Variants in PCDHA2 observed in about 807,000 individuals in gnomAD.
The protein encoded by PCDHA2 is protocadherin alpha-2.
In PCDHA2, 58 loss-of-function variants were observed where a neutral mutation model predicts 66.0. The ratio of observed to expected loss-of-function variants is 0.88; its 90% CI spans 0.71 to 1.09. The LOEUF (loss-of-function observed/expected upper bound fraction) is 1.09, where lower values mean the gene tolerates loss of function less well. PCDHA2 is among the 50% of genes least tolerant of loss of function. The pLI, the probability that PCDHA2 is intolerant of heterozygous loss-of-function variation, is 0.00. For missense variants in PCDHA2, 1,267 were observed against 1,242.3 expected, an observed-to-expected ratio of 1.02 and a Z score of -0.30; for synonymous variants, 634 against 554.0, an observed-to-expected ratio of 1.14 and a Z score of -2.03.
intron 1 of PCDHA2, chr5:140,864,667 T>G (rs1234979234): frequency 2.6e-5 from 4 of 152,252 alleles, no homozygotes; most frequent in Non-Finnish European, 5.9e-5. Context: ...AATTACCTGT[T>G]GACTTAATTG....
intron 1 of PCDHA2, chr5:140,828,911 A>T (rs2150160742): frequency 6.2e-7 from 1 of 1,614,128 alleles, no homozygotes; most frequent in Non-Finnish European, 8.5e-7. Context: ...TGAAGGAGCG[A>T]ATGGGGCAAT....
intron 1 of PCDHA2, among the ~76,000 whole-genome samples, chr5:140,923,975 T>C (rs1475895954): frequency 2.0e-5 from 3 of 152,222 alleles, no homozygotes; most frequent in African/African-American, 7.2e-5. Flanking sequence ...CCACACATAC[T>C]ATCCCTCTAG....
intron 1 of PCDHA2, among the ~76,000 whole-genome samples, chr5:140,948,999 ATT>A (rs782571922): frequency 1.3e-5 from 2 of 151,708 alleles, no homozygotes; most frequent in Non-Finnish European, 3.0e-5. Flanking sequence ...CATTTTACTA[ATT>A]TTTATATGTG....
chr5:140,978,841 T>G, intron 1 of PCDHA2, 108 bp from the exon 2 acceptor site: 1 of 1,563,056 alleles, frequency 6.4e-7, no homozygotes, highest in Non-Finnish European at 8.7e-7. Context: ...ATTCAATACT[T>G]TTTTAGATGC....
chr5:140,934,587 T>C (rs1316719317), intron 1 of PCDHA2, among the ~76,000 whole-genome samples: 1 of 152,176 alleles, frequency 6.6e-6, no homozygotes, highest in Non-Finnish European at 1.5e-5. Flanking sequence ...ATTTCTGTAA[T>C]GGGTCTTCAA....
Position 140,808,872 on chromosome 5 carries a change from C to A in PCDHA2, c.2388+11520C>A, listed in dbSNP as rs782630901. The A allele has an allele frequency of 5.0e-6, 8 of 1,613,186 alleles. 1 individual carries two copies. In the South Asian group the frequency reaches 8.8e-5, roughly 18 times the overall value. On this transcript the variant is annotated intron_variant, in intron 1 of 3. Transcript: ENST00000526136. ...TTCGTGCTGGACGAAAACGACAACGCGCCAGCACTGCTAGCGCCTCGGGCG... is the reference window on the plus strand; with the variant it reads ...TTCGTGCTGGACGAAAACGACAACGAGCCAGCACTGCTAGCGCCTCGGGCG...
chr5:140,802,529 G>A, intron 1 of PCDHA2: 2 of 1,614,208 alleles, frequency 1.2e-6, no homozygotes, highest in Non-Finnish European at 1.7e-6. Flanking sequence ...TGTCCGTGGA[G>A]GTGGCCGACG....
chr5:140,926,404 A>G (rs192980510), intron 1 of PCDHA2: 1 of 152,612 alleles, frequency 6.6e-6, no homozygotes, highest in African/African-American at 2.4e-5. Context: ...GTTATCAGCA[A>G]TCTGCGGGCA....
chr5:140,869,508 C>G, intron 1 of PCDHA2: 1 of 1,614,196 alleles, frequency 6.2e-7, no homozygotes. Context: ...TGTTCTCGCT[C>G]AGAGAACAAA....
At chr5:140,823,586 C>T (rs2150127192) in intron 1 of PCDHA2, 2 of 1,614,018 alleles carry the variant, frequency 1.2e-6, no homozygotes, top group Non-Finnish European at 8.5e-7. Context: ...GGCTACAACG[C>T]TTGGCTTTCG....
chr5:140,958,242 T>A (rs1375619471), intron 1 of PCDHA2, among the ~76,000 whole-genome samples: 1 of 152,120 alleles, frequency 6.6e-6, no homozygotes, highest in Non-Finnish European at 1.5e-5. Context: ...TTTTTAACAA[T>A]TCTGAACAAA....
intron 1 of PCDHA2, among the ~76,000 whole-genome samples, chr5:140,960,278 T>A (rs2095536864): frequency 6.6e-6 from 1 of 152,192 alleles, no homozygotes. Context: ...CGTCACCTTT[T>A]TGGGACCCAG....
intron 1 of PCDHA2, among the ~76,000 whole-genome samples, chr5:140,820,641 G>A (rs1766795665): frequency 6.6e-6 from 1 of 151,988 alleles, no homozygotes; most frequent in Non-Finnish European, 1.5e-5. Context: ...ACAGTTGGGA[G>A]ATTAAAAAGT....
intron 1 of PCDHA2, among the ~76,000 whole-genome samples, chr5:140,961,887 G>GT (rs35680913): frequency 0.069 from 9,857 of 143,718 alleles, 798 homozygotes; most frequent in African/African-American, 0.2. Flanking sequence ...ACTTACATCA[G>GT]TTTTTTTTTT....
At chr5:140,869,609 C>T (rs1554163287) in intron 1 of PCDHA2, 1 of 1,613,972 alleles carries the variant, frequency 6.2e-7, no homozygotes, top group Non-Finnish European at 8.5e-7. Flanking sequence ...GCTCTATTGA[C>T]CTACAGGCTA....
At chr5:140,964,699 G>A (rs2095849795) in intron 1 of PCDHA2, among the ~76,000 whole-genome samples, 1 of 151,922 alleles carries the variant, frequency 6.6e-6, no homozygotes, top group Non-Finnish European at 1.5e-5. Context: ...GAGAGATTAA[G>A]GCCTCCGAGA....
intron 1 of PCDHA2, among the ~76,000 whole-genome samples, chr5:140,948,438 G>A (rs2094254732): frequency 6.6e-6 from 1 of 151,474 alleles, no homozygotes; most frequent in South Asian, 2.1e-4. Context: ...GAAACATTCT[G>A]TGCCAGGGAT....
chr5:140,943,321 G>A (rs1012061757), intron 1 of PCDHA2, among the ~76,000 whole-genome samples: 4 of 150,454 alleles, frequency 2.7e-5, no homozygotes, highest in Non-Finnish European at 5.9e-5. Context: ...TAGCAATATT[G>A]TGTAGTATCC....
At chr5:140,928,194 A>G in intron 1 of PCDHA2, 2 of 1,614,204 alleles carry the variant, frequency 1.2e-6, no homozygotes, top group East Asian at 2.2e-5. Context: ...TCACTGTGTC[A>G]GTTGCTGATG....
Sources: gnomAD v4.1 joint callset for allele counts (sites outside exome capture counted in the v4.1 genomes callset) on GRCh38, gnomAD v4.1.1 for gene constraint, MANE v1.5 for transcripts, NCBI Gene and HGNC (gene_info 2026-07-23, HGNC 2026-07-21) for gene names.